The following ITGAE variants were observed in gnomAD, a reference collection of about 807,000 sequenced individuals.
The protein encoded by ITGAE is integrin alpha-E.
Under a neutral mutation model 136.5 loss-of-function variants are expected in ITGAE, and 99 were observed. The observed-to-expected ratio is 0.73, with a 90% CI of 0.62 to 0.86. The LOEUF (loss-of-function observed/expected upper bound fraction) is 0.86. Ranked by LOEUF, ITGAE falls within the 40% of genes least tolerant of loss-of-function variation. ITGAE has a pLI of 0.00. For synonymous variants in ITGAE, 613 were observed against 591.8 expected (o/e 1.04, Z -0.52); for missense variants, 1,447 against 1,515.3 (o/e 0.95, Z 0.75).
At position 3,751,803 on chromosome 17, in the gene ITGAE, G is replaced by A; in HGVS notation, c.1740C>T (p.Ala580=). 6.2e-7 allele frequency: 1 copy of A among 1,614,130 alleles called. No individual in the cohort carries two copies. The highest frequency in any genetic ancestry group is 2.2e-5 in the East Asian group (1 of 44,884). The change falls in exon 15 of 31, where the codon GCC becomes GCT. Residue 580 remains alanine (A), a synonymous_variant. Transcript: ENST00000263087. ...GACTGAGATCCCCCATAGCCGCCATGGCAAAGCCAAAGCGGGCATTGGTGA... is the reference window on the plus strand; with the variant it reads ...GACTGAGATCCCCCATAGCCGCCATAGCAAAGCCAAAGCGGGCATTGGTGA... ...PGFTNARFGF[A]MAAMGDLSQD... is the part of the protein sequence containing the mutation.
chr17:3,748,052 G>A lies in ITGAE; in HGVS notation c.2025C>T (p.Arg675=). Residue 675 remains arginine (R), a splice_region_variant and synonymous_variant, in exon 17 of 31, where the codon CGC becomes CGT. Transcript: ENST00000263087. ...CCTTCAGGCGAACCACAGGCCGGGAGCTAAACAAGACAGCAAAGAGGATGG... is the reference window on the plus strand; with the variant it reads ...CCTTCAGGCGAACCACAGGCCGGGAACTAAACAAGACAGCAAAGAGGATGG... The part of the protein sequence containing the change: ...VGTLGQAVVF[R]SRPVVRLKVS... The A allele has an allele frequency of 6.2e-7, 1 of 1,609,900 alleles. No homozygotes were observed. Among genetic ancestry groups the A allele is most frequent in the Non-Finnish European group, 8.5e-7 (1 of 1,177,578 alleles).
chr17:3,751,842 A>G lies in ITGAE; in HGVS notation c.1701T>C (p.Ser567=), dbSNP rs1418772080. 9.3e-6 allele frequency: 15 copies of G among 1,613,902 alleles called. No individual in the cohort carries two copies. Among genetic ancestry groups the G allele is most frequent in the African/African-American group, 8.0e-5 (6 of 74,906 alleles). Residue 567 remains serine, a synonymous_variant, in exon 15 of 31, where the codon AGT becomes AGC. Transcript: ENST00000263087. ...DGSFSLARIL[S]GHPGFTNARF... ...GGGCATTGGTGAACCCGGGGTGCCC[A>G]CTCAGTATGCGTGCCAAGGAGAAAG...
chr17:3,760,429 GCT>G, intron 6 of ITGAE, 142 bp from the exon 7 acceptor site: 5 of 60,714 alleles, frequency 8.2e-5, no homozygotes, highest in South Asian at 4.6e-4. Context: ...CAAGAGGGAA[GCT>G]TTTTTTTTTT....
At chr17:3,786,096 G>A (rs1026380486) in intron 1 of ITGAE, among the ~76,000 whole-genome samples, 7 of 151,196 alleles carry the variant, frequency 4.6e-5, no homozygotes, top group Admixed American at 2.6e-4. Context: ...GAACCCGGGA[G>A]GCGGAGCTTG....
chr17:3,764,083 T>G, intron 2 of ITGAE, 123 bp from the exon 3 acceptor site: 1 of 660,506 alleles, frequency 1.5e-6, no homozygotes, highest in Non-Finnish European at 2.7e-6. Flanking sequence ...GCCGGCAGAT[T>G]CCTAGCCCAG....
chr17:3,782,290 A>C (rs1281507008), intron 1 of ITGAE, among the ~76,000 whole-genome samples: 1 of 148,640 alleles, frequency 6.7e-6, no homozygotes, highest in East Asian at 2.0e-4. Flanking sequence ...AAAAAAAAAA[A>C]AAAAAAAAAA....
In ITGAE at chr17:3,799,117, T is replaced by C. The variant is rs1469410314; in HGVS notation, c.34+1994A>G. 6.6e-6 allele frequency among the ~76,000 whole-genome samples: 1 copy of C among 152,078 alleles called. No homozygotes were observed. Among genetic ancestry groups the C allele is most frequent in the African/African-American group, 2.4e-5 (1 of 41,388 alleles). ...GCCTGGAGCCACAGTCTGAGGGAGT[T>C]CTTCCTCCCAGCATCTCCTGGACAT... On this transcript the variant is annotated intron_variant, in intron 1 of 30. Transcript: ENST00000263087. The surrounding 1 kb of genome is among the most constrained non-coding windows in gnomAD (Gnocchi z 4.1).
intron 30 of ITGAE, among the ~76,000 whole-genome samples, chr17:3,716,181 A>G (rs1382724804): frequency 1.3e-5 from 2 of 151,278 alleles, no homozygotes; most frequent in South Asian, 4.2e-4. Flanking sequence ...AAAAAAAAAA[A>G]AGAAAAAAAA....
intron 5 of ITGAE, 106 bp downstream of exon 5, chr17:3,761,297 C>T: frequency 6.5e-7 from 1 of 1,546,652 alleles, no homozygotes; most frequent in East Asian, 2.3e-5. Context: ...CCTTGCTCCA[C>T]TGTGGGCCTG....
rs745358984 is a variant in ITGAE at position 3,761,539 on chromosome 17, G to T, written c.316-19C>A. On this transcript the variant is annotated intron_variant, in intron 4 of 30. Coordinates refer to ENST00000263087, the MANE Select transcript of ITGAE (RefSeq NM_002208.5). ...TGCATATCTGTGGGAGGGAAGAGAG[G>T]GTGGGGAAACACCAGGTCACCTCCC... The T allele has an allele frequency of 1.9e-6, 3 of 1,598,794 alleles. No individual in the cohort carries two copies. The highest frequency in any genetic ancestry group is 1.1e-5 in the South Asian group (1 of 89,504).
chr17:3,752,730 AAC>A (rs2051901561), intron 14 of ITGAE, among the ~76,000 whole-genome samples: 1 of 150,128 alleles, frequency 6.7e-6, no homozygotes, highest in South Asian at 2.1e-4. Context: ...CAGCCTGGAC[AAC>A]AGAGTGAGAC....
intron 26 of ITGAE, chr17:3,726,563 T>A: frequency 1.9e-6 from 1 of 514,532 alleles, no homozygotes; most frequent in South Asian, 2.9e-5. Flanking sequence ...CACAGTGGCG[T>A]GCGCCTGTAG....
chr17:3,766,839 A>C (rs2052311216), intron 2 of ITGAE, among the ~76,000 whole-genome samples: 1 of 123,222 alleles, frequency 8.1e-6, no homozygotes, highest in African/African-American at 3.6e-5. Flanking sequence ...AATAATAATA[A>C]TAATAATAAA....
rs1171920403 is a variant in ITGAE, at chr17:3,796,191, GT to G, written c.34+4919del. On this transcript the variant is annotated intron_variant, in intron 1 of 30. Transcript: ENST00000263087. ...CATCCGTGTGTGTGTGTGTGTGTGT[GT>G]GGTGGGGTAGTTCGCTGTATTTGCT... is the stretch of plus-strand genomic sequence containing the variant. Among the ~76,000 whole-genome samples, 159 of 149,610 alleles carry G rather than the reference GT, an allele frequency of 1.1e-3. 2 individuals are homozygous for G. The highest frequency in any genetic ancestry group is 3.9e-3 in the African/African-American group (154 of 39,286).
At chr17:3,762,520 A>T (rs2052197928) in intron 3 of ITGAE, among the ~76,000 whole-genome samples, 1 of 150,830 alleles carries the variant, frequency 6.6e-6, no homozygotes, top group Non-Finnish European at 1.5e-5. Flanking sequence ...TTTTTCAGTC[A>T]TGGAATCACT....
At chr17:3,779,728 C>G (rs769731136) in intron 1 of ITGAE, among the ~76,000 whole-genome samples, 3 of 152,140 alleles carry the variant, frequency 2.0e-5, no homozygotes, top group Non-Finnish European at 2.9e-5. Flanking sequence ...TGACAATTGT[C>G]AAATTTAAGT....
At chr17:3,778,237 C>T (rs1406385851) in intron 1 of ITGAE, among the ~76,000 whole-genome samples, 1 of 152,134 alleles carries the variant, frequency 6.6e-6, no homozygotes, top group African/African-American at 2.4e-5. Context: ...GAGGAGTCAA[C>T]AACAGATACA....
intron 19 of ITGAE, among the ~76,000 whole-genome samples, chr17:3,740,565 A>G (rs954639094): frequency 6.6e-6 from 1 of 152,124 alleles, no homozygotes; most frequent in Non-Finnish European, 1.5e-5. Context: ...TATTAGAGAA[A>G]GGGTTTCGCC....
At chr17:3,749,228 A>AG (rs2051798337) in intron 16 of ITGAE, among the ~76,000 whole-genome samples, 2 of 136,750 alleles carry the variant, frequency 1.5e-5, no homozygotes. Flanking sequence ...GGGGGAATGA[A>AG]GGGTGGGGGG....
Sources: allele counts gnomAD v4.1 joint callset (sites outside exome capture counted in the v4.1 genomes callset), GRCh38; gene constraint gnomAD v4.1.1; non-coding constraint Gnocchi (gnomAD v3.1); transcripts MANE v1.5; gene names NCBI Gene and HGNC (gene_info 2026-07-23, HGNC 2026-07-21).